PARK7: variants seen among roughly 807,000 people sequenced by gnomAD.
PARK7 encodes the protein Parkinson disease protein 7.
A neutral mutation model predicts 20.5 loss-of-function variants in PARK7; 14 were observed. The ratio of observed to expected loss-of-function variants is 0.68; its 90% CI spans 0.45 to 1.07. PARK7 has a LOEUF of 1.07. Ranked by LOEUF, PARK7 falls within the 50% of genes least tolerant of loss-of-function variation. The pLI is 0.00. For synonymous variants in PARK7, 98 were observed against 84.3 expected (o/e 1.16, Z -0.89); for missense variants, 234 against 238.1 (o/e 0.98, Z 0.11).
At chr1:7,970,688 T>A (rs1000605417) in intron 4 of PARK7, among the ~76,000 whole-genome samples, 2 of 152,244 alleles carry the variant, frequency 1.3e-5, no homozygotes, top group African/African-American at 2.4e-5. Flanking sequence ...TGCGTTTCTC[T>A]TATGAGAAAT....
chr1:7,966,669 T>C (rs1445379988), intron 3 of PARK7, among the ~76,000 whole-genome samples: 1 of 152,154 alleles, frequency 6.6e-6, no homozygotes. Context: ...TGAACTGTGA[T>C]TGTGCCATTG....
intron 3 of PARK7, 38 bp downstream of exon 3, chr1:7,965,463 C>A: frequency 6.5e-7 from 1 of 1,549,368 alleles, no homozygotes; most frequent in Non-Finnish European, 8.9e-7. Flanking sequence ...CTTCATATGG[C>A]TTCTTTGTTT....
At chr1:7,972,538 G>T (rs1356145963) in intron 5 of PARK7, among the ~76,000 whole-genome samples, 2 of 152,142 alleles carry the variant, frequency 1.3e-5, no homozygotes, top group East Asian at 1.9e-4. Flanking sequence ...CATCATCTGA[G>T]AATTTATTAT....
intron 5 of PARK7, among the ~76,000 whole-genome samples, chr1:7,975,960 C>T (rs530883099): frequency 4.6e-5 from 7 of 152,160 alleles, no homozygotes; most frequent in Non-Finnish European, 7.3e-5. Flanking sequence ...GGAGAAGAGA[C>T]ATTTGAGGCT....
At chr1:7,979,371 CTG>C (rs1024992272) in intron 6 of PARK7, among the ~76,000 whole-genome samples, 2 of 152,210 alleles carry the variant, frequency 1.3e-5, no homozygotes, top group African/African-American at 4.8e-5. Flanking sequence ...GCACCAGAAT[CTG>C]TACCCACATT....
intron 4 of PARK7, among the ~76,000 whole-genome samples, chr1:7,969,869 C>G (rs186539417): frequency 6.6e-5 from 10 of 152,322 alleles, no homozygotes; most frequent in African/African-American, 2.2e-4. Context: ...TGAGCCACCA[C>G]TCCCGACCTC....
At position 7,977,672 on chromosome 1, in the gene PARK7, C is replaced by G. The variant is rs1457682790; in HGVS notation, c.343C>G (p.His115Asp). 6.2e-7 allele frequency: 1 copy of G among 1,613,918 alleles called. No homozygotes were observed. Among genetic ancestry groups the G allele is most frequent in the Non-Finnish European group, 8.5e-7 (1 of 1,179,940 alleles). Residue 115 changes from histidine (H) to aspartate (D), a missense_variant, in exon 6 of 7, where the codon CAT (histidine) becomes GAT (aspartate). Coordinates refer to ENST00000338639, the MANE Select transcript of PARK7 (RefSeq NM_007262.5). ...CTTAGGTCCTACTGCTCTGTTGGCT[C>G]ATGAAATAGGTTTTGGAAGTAAAGT... ...ICAGPTALLA[H>D]EIGFGSKVTT... is the part of the protein sequence containing the mutation.
At chr1:7,978,902 C>G (rs1640646225) in intron 6 of PARK7, among the ~76,000 whole-genome samples, 1 of 149,898 alleles carries the variant, frequency 6.7e-6, no homozygotes, top group South Asian at 2.1e-4. Context: ...CTATCACATA[C>G]TCATTATCCT....
At chr1:7,982,456 T>G (rs1045040813) in intron 6 of PARK7, among the ~76,000 whole-genome samples, 5 of 152,196 alleles carry the variant, frequency 3.3e-5, no homozygotes, top group Non-Finnish European at 7.3e-5. Flanking sequence ...CTGGTGCTGA[T>G]GGGGTGCATG....
chr1:7,964,713 C>T (rs1640289804), intron 2 of PARK7, among the ~76,000 whole-genome samples: 1 of 152,232 alleles, frequency 6.6e-6, no homozygotes, highest in African/African-American at 2.4e-5. Context: ...AAAATTCCCA[C>T]TTTCCCAGTG....
intron 3 of PARK7, among the ~76,000 whole-genome samples, chr1:7,968,302 C>CAAA (rs34105225): frequency 9.8e-6 from 1 of 101,844 alleles, no homozygotes; most frequent in Non-Finnish European, 2.0e-5. Flanking sequence ...GACTCTGTCT[C>CAAA]AAAAAAAAAA....
At chr1:7,970,410 C>A (rs1223953009) in intron 4 of PARK7, among the ~76,000 whole-genome samples, 1 of 152,088 alleles carries the variant, frequency 6.6e-6, no homozygotes, top group Non-Finnish European at 1.5e-5. Context: ...ATGGCAAATG[C>A]CATCAGCAGA....
At chr1:7,962,051 C>G (rs2151426656) in intron 1 of PARK7, 1 of 152,428 alleles carries the variant, frequency 6.6e-6, no homozygotes, top group East Asian at 1.9e-4. Context: ...AACTGGCTAG[C>G]CGTTTTATTA....
At chr1:7,966,730 T>C (rs572978151) in intron 3 of PARK7, among the ~76,000 whole-genome samples, 10 of 152,238 alleles carry the variant, frequency 6.6e-5, no homozygotes, top group Admixed American at 6.5e-4. Context: ...ATAATAATAA[T>C]ACTTTTTTTC....
intron 4 of PARK7, among the ~76,000 whole-genome samples, chr1:7,970,397 G>C (rs1484223074): frequency 1.3e-5 from 2 of 152,200 alleles, no homozygotes; most frequent in Non-Finnish European, 2.9e-5. Context: ...GCTGCCAGCA[G>C]GAATGGCAAA....
chr1:7,975,248 A>G (rs559138595), intron 5 of PARK7, among the ~76,000 whole-genome samples: 1 of 152,322 alleles, frequency 6.6e-6, no homozygotes, highest in East Asian at 1.9e-4. Flanking sequence ...TGAGGAACGC[A>G]AATTGGAAGG....
At chr1:7,977,853 G>A (rs557077275) in intron 6 of PARK7, 115 bp downstream of exon 6, 20 of 836,504 alleles carry the variant, frequency 2.4e-5, no homozygotes, top group African/African-American at 8.4e-5. Context: ...CCTGCCTCCC[G>A]GGTTCAAGCG....
intron 1 of PARK7, 99 bp from the exon 2 acceptor site, chr1:7,962,664 A>T: frequency 1.4e-6 from 1 of 727,870 alleles, no homozygotes; most frequent in Non-Finnish European, 2.3e-6. Flanking sequence ...CCTAGGAAGT[A>T]CTTACTCTGC....
chr1:7,962,894 T>G lies in PARK7; in HGVS notation c.90+19T>G, dbSNP rs1013657704. 7 of 1,577,872 alleles carry G rather than the reference T, an allele frequency of 4.4e-6. No homozygotes were observed. The highest frequency in any genetic ancestry group is 3.3e-4 in the Middle Eastern group (2 of 6,016). On this transcript the variant is annotated intron_variant, in intron 2 of 6. Transcript: ENST00000338639. ...AGCTGGGGTAAGTCCCACATCGATTTTTAGCCATTCCTGTTTTAAATGTTT... is the reference window on the plus strand; with the variant it reads ...AGCTGGGGTAAGTCCCACATCGATTGTTAGCCATTCCTGTTTTAAATGTTT...
Sources: gnomAD v4.1 joint callset for allele counts (sites outside exome capture counted in the v4.1 genomes callset) on GRCh38, gnomAD v4.1.1 for gene constraint, MANE v1.5 for transcripts, NCBI Gene and HGNC (gene_info 2026-07-23, HGNC 2026-07-21) for gene names.